Variants in PRKCE observed in about 807,000 individuals in gnomAD.
PRKCE encodes the protein protein kinase C epsilon.
In PRKCE, 16 loss-of-function variants were observed where a neutral mutation model predicts 85.4. That is an observed-to-expected ratio of 0.19 (90% confidence interval 0.13 to 0.28). The LOEUF (loss-of-function observed/expected upper bound fraction) is 0.28, where lower values mean the gene tolerates loss of function less well. Among genes scored for constraint, PRKCE ranks in the 10% least tolerant of loss-of-function variants. PRKCE has a pLI of 1.00. For missense variants in PRKCE, 573 were observed against 975.2 expected (o/e 0.59, Z 5.49); for synonymous variants, 388 against 371.5 (o/e 1.04, Z -0.51).
At chr2:46,135,137 G>T (rs1011084390) in intron 11 of PRKCE, among the ~76,000 whole-genome samples, 1 of 152,134 alleles carries the variant, frequency 6.6e-6, no homozygotes, top group Non-Finnish European at 1.5e-5. Context: ...CCAGCTGTCA[G>T]TGTAGTGTCT....
At chr2:45,994,689 A>G in intron 6 of PRKCE, among the ~76,000 whole-genome samples, 1 of 152,214 alleles carries the variant, frequency 6.6e-6, no homozygotes, top group East Asian at 1.9e-4. Context: ...TTCACCTACT[A>G]AAGGACATTT....
chr2:45,802,016 A>G (rs984493171), intron 1 of PRKCE, among the ~76,000 whole-genome samples: 1 of 151,778 alleles, frequency 6.6e-6, no homozygotes, highest in Non-Finnish European at 1.5e-5. Context: ...TAGGAAGGCC[A>G]AGGCGAGAGG....
At chr2:46,079,255 G>C (rs1211411832) in intron 10 of PRKCE, among the ~76,000 whole-genome samples, 4 of 151,978 alleles carry the variant, frequency 2.6e-5, no homozygotes, top group African/African-American at 9.7e-5. Context: ...GATAAAGCCT[G>C]GATGAGCGAT....
chr2:46,169,563 G>A lies in PRKCE; in HGVS notation c.2067+9811G>A, dbSNP rs547942499. ...GAGGGTGGCAAATGGCTAGGCCAGG[G>A]AACTATGAAATATATTTGCCTTAAG... On this transcript the variant is annotated intron_variant, in intron 14 of 14. Coordinates refer to ENST00000306156, the MANE Select transcript of PRKCE (RefSeq NM_005400.3). Among the ~76,000 whole-genome samples, 8 of 152,298 alleles carry A rather than the reference G, an allele frequency of 5.3e-5. No homozygotes were observed. The South Asian group carries it at 1.7e-3, about 32-fold the overall frequency.
In PRKCE at chr2:46,136,673, G is replaced by A. The variant is rs533999564; in HGVS notation, c.1593-8420G>A. On this transcript the variant is annotated intron_variant, in intron 11 of 14. Coordinates refer to ENST00000306156, the MANE Select transcript of PRKCE (RefSeq NM_005400.3). ...TGGCAGCCAGTCCTGAGAAGTTGAA[G>A]GGTCTGGAAGCTGTCGCATGAATCC... Among the ~76,000 whole-genome samples the A allele has an allele frequency of 2.2e-3, 340 of 152,292 alleles. 2 individuals are homozygous for A. The highest frequency in any genetic ancestry group is 5.9e-3 in the Admixed American group (90 of 15,302).
At chr2:45,768,623 C>G (rs775009965) in intron 1 of PRKCE, among the ~76,000 whole-genome samples, 3 of 152,154 alleles carry the variant, frequency 2.0e-5, no homozygotes, top group Non-Finnish European at 2.9e-5. Context: ...TGAGCCCTAC[C>G]TGAACAATGG....
At chr2:45,810,970 C>T (rs543692831) in intron 1 of PRKCE, among the ~76,000 whole-genome samples, 8 of 152,250 alleles carry the variant, frequency 5.3e-5, no homozygotes, top group Admixed American at 1.3e-4. Context: ...TTTTTCCTGA[C>T]GAGGTGATAA....
At chr2:46,102,818 A>G (rs1404390838) in intron 11 of PRKCE, among the ~76,000 whole-genome samples, 2 of 152,260 alleles carry the variant, frequency 1.3e-5, no homozygotes. Context: ...TTTTCATTAC[A>G]TCACATCAAA....
intron 2 of PRKCE, among the ~76,000 whole-genome samples, chr2:45,934,171 G>A (rs887303742): frequency 7.2e-5 from 11 of 152,192 alleles, no homozygotes; most frequent in Admixed American, 3.3e-4. Context: ...AGCTTATGCC[G>A]TACTCCCACT....
chr2:46,083,130 T>C (rs1311795351), intron 10 of PRKCE, among the ~76,000 whole-genome samples: 1 of 152,184 alleles, frequency 6.6e-6, no homozygotes. Flanking sequence ...TTTGTATTTT[T>C]TGTATAGACA....
chr2:45,855,351 A>T (rs1692588357), intron 2 of PRKCE, among the ~76,000 whole-genome samples: 1 of 152,244 alleles, frequency 6.6e-6, no homozygotes, highest in South Asian at 2.1e-4. Flanking sequence ...CAGAATGCTT[A>T]AAAATCTTAC....
chr2:45,651,471 T>C (rs1310267095), upstream of PRKCE: 1 of 151,730 alleles, frequency 6.6e-6, no homozygotes, highest in Non-Finnish European at 1.5e-5. Context: ...GTGGGGCTTG[T>C]GGATTTTTAA....
chr2:46,024,564 G>T (rs927286400), intron 10 of PRKCE, among the ~76,000 whole-genome samples: 1 of 152,128 alleles, frequency 6.6e-6, no homozygotes, highest in East Asian at 1.9e-4. Flanking sequence ...CGGGTTGCTA[G>T]GAAGCTAAGC....
At chr2:46,007,756 C>A in intron 9 of PRKCE, 95 bp downstream of exon 9, 2 of 1,339,048 alleles carry the variant, frequency 1.5e-6, no homozygotes, top group Non-Finnish European at 2.0e-6. Flanking sequence ...AACCTTTCAG[C>A]CTGATCTCGT....
chr2:45,965,942 C>A (rs183892537), intron 2 of PRKCE, among the ~76,000 whole-genome samples: 50 of 151,976 alleles, frequency 3.3e-4, no homozygotes, highest in African/African-American at 1.2e-3. Flanking sequence ...TAATCAGTCC[C>A]CCTCAGCTTT....
At position 46,010,407 on chromosome 2, in the gene PRKCE, G is replaced by A. The variant is rs753671660; in HGVS notation, c.1327G>A (p.Val443Ile). 8.8e-6 allele frequency: 14 copies of A among 1,599,640 alleles called. No homozygotes were observed. The highest frequency in any genetic ancestry group is 6.7e-5 in the Admixed American group (4 of 60,010). Reference protein sequence around the residue: ...VYAVKVLKKDVILQDDDVDCT... With the variant: ...VYAVKVLKKDIILQDDDVDCT... ...TGCTGTGAAGGTCTTAAAGAAGGACGTCATCCTTCAGGATGATGACGTGGA... is the reference window on the plus strand; with the variant it reads ...TGCTGTGAAGGTCTTAAAGAAGGACATCATCCTTCAGGATGATGACGTGGA... Residue 443 changes from valine to isoleucine, a missense_variant, in exon 10 of 15, where the codon GTC becomes ATC. Val to Ile is a conservative substitution (Grantham distance 29). Coordinates refer to ENST00000306156, the MANE Select transcript of PRKCE (RefSeq NM_005400.3).
chr2:46,128,200 A>G (rs1238453607), intron 11 of PRKCE, among the ~76,000 whole-genome samples: 1 of 152,128 alleles, frequency 6.6e-6, no homozygotes, highest in Non-Finnish European at 1.5e-5. Context: ...GTTCCCTTCC[A>G]GCATCACTTG....
chr2:45,706,264 A>C (rs1679105828), intron 1 of PRKCE, among the ~76,000 whole-genome samples: 1 of 152,232 alleles, frequency 6.6e-6, no homozygotes, highest in South Asian at 2.1e-4. Flanking sequence ...CTGTGAAATG[A>C]AATATTACAC....
intron 10 of PRKCE, among the ~76,000 whole-genome samples, chr2:46,057,547 G>A (rs1666701901): frequency 6.6e-6 from 1 of 151,492 alleles, no homozygotes; most frequent in South Asian, 2.1e-4. Flanking sequence ...CTATCATCCT[G>A]CTTCAGCCTC....
Sources: gnomAD v4.1 joint callset for allele counts (sites outside exome capture counted in the v4.1 genomes callset) on GRCh38, gnomAD v4.1.1 for gene constraint, MANE v1.5 for transcripts, NCBI Gene and HGNC (gene_info 2026-07-23, HGNC 2026-07-21) for gene names.